ADAMTS19: variants seen among roughly 807,000 people sequenced by gnomAD.
The protein encoded by ADAMTS19 is A disintegrin and metalloproteinase with thrombospondin motifs 19.
Under a neutral mutation model 153.3 loss-of-function variants are expected in ADAMTS19, and 93 were observed. The observed-to-expected ratio is 0.61, with a 90% confidence interval of 0.51 to 0.72. The LOEUF is 0.72. ADAMTS19 is among the 30% of genes least tolerant of loss of function. ADAMTS19 has a pLI of 0.00. For synonymous variants in ADAMTS19, 600 were observed against 556.6 expected (o/e 1.08, Z -1.10); for missense variants, 1,482 against 1,552.1 (o/e 0.95, Z 0.76).
chr5:129,556,054 A>G (rs182706480), intron 7 of ADAMTS19, among the ~76,000 whole-genome samples: 2 of 152,304 alleles, frequency 1.3e-5, no homozygotes, highest in Non-Finnish European at 2.9e-5. Context: ...ATAGTTATTT[A>G]CTAAGCTTAT....
At chr5:129,602,299 C>T (rs1017946129) in intron 8 of ADAMTS19, among the ~76,000 whole-genome samples, 3 of 152,176 alleles carry the variant, frequency 2.0e-5, no homozygotes, top group South Asian at 2.1e-4. Flanking sequence ...CCGTGTTGGT[C>T]GGGCTGGTCG....
At chr5:129,650,264 T>C (rs776123147) in intron 13 of ADAMTS19, among the ~76,000 whole-genome samples, 1 of 152,154 alleles carries the variant, frequency 6.6e-6, no homozygotes, top group Non-Finnish European at 1.5e-5. Flanking sequence ...GATCATCTGA[T>C]TTCATTGGTT....
intron 8 of ADAMTS19, among the ~76,000 whole-genome samples, chr5:129,613,172 C>A (rs1751318557): frequency 6.6e-6 from 1 of 152,122 alleles, no homozygotes; most frequent in South Asian, 2.1e-4. Flanking sequence ...GACCTCAGTG[C>A]TGCACAAGTG....
chr5:129,532,467 T>C (rs951510356), intron 6 of ADAMTS19, among the ~76,000 whole-genome samples: 1 of 152,154 alleles, frequency 6.6e-6, no homozygotes, highest in Non-Finnish European at 1.5e-5. Context: ...ATGGTGAGGA[T>C]ATGGAACACT....
intron 17 of ADAMTS19, among the ~76,000 whole-genome samples, chr5:129,681,078 T>G (rs1487021110): frequency 6.6e-6 from 1 of 152,216 alleles, no homozygotes; most frequent in Non-Finnish European, 1.5e-5. Flanking sequence ...TTATTTAATA[T>G]CTCCACATGA....
intron 2 of ADAMTS19, chr5:129,500,562 G>A (rs1362774358): frequency 2.6e-5 from 4 of 152,004 alleles, no homozygotes; most frequent in African/African-American, 9.7e-5. Flanking sequence ...GGTATCTGTT[G>A]GGATACTTTC....
At chr5:129,712,982 T>A (rs564755992) in intron 21 of ADAMTS19, among the ~76,000 whole-genome samples, 1 of 152,238 alleles carries the variant, frequency 6.6e-6, no homozygotes, top group Non-Finnish European at 1.5e-5. Flanking sequence ...TATTTCCTTC[T>A]TCATAGCTTC....
At chr5:129,734,177 G>A (rs950450670) in intron 21 of ADAMTS19, among the ~76,000 whole-genome samples, 3 of 151,538 alleles carry the variant, frequency 2.0e-5, no homozygotes, top group Non-Finnish European at 4.4e-5. Context: ...AGACATTGAG[G>A]TCTCCAAAAG....
intron 15 of ADAMTS19, among the ~76,000 whole-genome samples, chr5:129,660,974 G>A (rs1176449931): frequency 4.6e-5 from 7 of 151,986 alleles, no homozygotes; most frequent in Admixed American, 1.3e-4. Flanking sequence ...AACAGCCTCC[G>A]CCACACACAC....
At position 129,647,639 on chromosome 5, in the gene ADAMTS19, C is replaced by T. The variant is rs1025659825; in HGVS notation, c.1873-126C>T. On this transcript the variant is annotated intron_variant, in intron 11 of 22. Transcript: ENST00000274487. Reference sequence around the variant, plus strand: ...AAGTGCCAACTTATTTTTGGTCTTTCCTAATTCCCCATGTTTGTGGCTCTA... The same window carrying T: ...AAGTGCCAACTTATTTTTGGTCTTTTCTAATTCCCCATGTTTGTGGCTCTA... 24 of 1,150,886 alleles carry T rather than the reference C, an allele frequency of 2.1e-5. No individual in the cohort carries two copies. In the South Asian group the frequency reaches 3.8e-4, roughly 18 times the overall value. The allele number at this position is 1,150,886 out of a possible 1,614,324, so 71.3% of individuals were successfully genotyped here.
At chr5:129,696,471 T>A (rs1196739283) in intron 19 of ADAMTS19, among the ~76,000 whole-genome samples, 2 of 152,202 alleles carry the variant, frequency 1.3e-5, no homozygotes, top group Non-Finnish European at 2.9e-5. Context: ...GCTTGCTTTC[T>A]GTAGATTCAA....
intron 21 of ADAMTS19, among the ~76,000 whole-genome samples, chr5:129,716,659 A>G (rs1472008164): frequency 1.3e-5 from 2 of 150,598 alleles, no homozygotes; most frequent in African/African-American, 4.9e-5. Context: ...CTTCCTCTAT[A>G]CACAAGTAGG....
intron 2 of ADAMTS19, among the ~76,000 whole-genome samples, chr5:129,504,860 T>TACACACAGACAC (rs1554087655): frequency 2.1e-5 from 2 of 95,754 alleles, no homozygotes; most frequent in African/African-American, 4.5e-5. Context: ...GTATTCTGTC[T>TACACACAGACAC]ACACACACAC....
intron 8 of ADAMTS19, among the ~76,000 whole-genome samples, chr5:129,612,118 C>A (rs1207357107): frequency 4.4e-5 from 5 of 113,492 alleles, no homozygotes; most frequent in Non-Finnish European, 9.0e-5. Context: ...TGCTATCCCT[C>A]CCCCCTACCC....
chr5:129,543,472 C>T (rs888477155), intron 6 of ADAMTS19, among the ~76,000 whole-genome samples: 1 of 152,160 alleles, frequency 6.6e-6, no homozygotes. Context: ...TGGAAATATA[C>T]AGTAATCAGT....
At chr5:129,628,609 T>C (rs901688664) in intron 10 of ADAMTS19, among the ~76,000 whole-genome samples, 2 of 152,052 alleles carry the variant, frequency 1.3e-5, no homozygotes, top group Non-Finnish European at 2.9e-5. Flanking sequence ...GAAGTATAAC[T>C]TAAAAGTATA....
Position 129,735,104 on chromosome 5 carries a change from G to T in ADAMTS19, c.3485G>T (p.Arg1162Ile). 6.3e-7 allele frequency: 1 copy of T among 1,578,356 alleles called. No homozygotes were observed. The highest frequency in any genetic ancestry group is 8.6e-7 in the Non-Finnish European group (1 of 1,165,912). ...AATGTAAATACCATAACATCACCCA[G>T]ACTGGGTAAGCAGACAAAAAAAAAA... The part of the protein sequence containing the change: ...KINVNTITSP[R>I]LAALTFKCLG... The change falls in exon 22 of 23, where the codon AGA (arginine) becomes ATA (isoleucine). Residue 1162 changes from arginine to isoleucine, a missense_variant. Arg to Ile is a moderately conservative substitution (Grantham distance 97). Around this residue, in one of 2 missense-constraint regions of ADAMTS19, gnomAD observed 616 missense variants for 724.4 expected, o/e 0.85. Coordinates refer to ENST00000274487, the MANE Select transcript of ADAMTS19 (RefSeq NM_133638.6).
intron 21 of ADAMTS19, among the ~76,000 whole-genome samples, chr5:129,718,571 T>C (rs1435621149): frequency 3.3e-5 from 5 of 152,134 alleles, no homozygotes; most frequent in South Asian, 2.1e-4. Context: ...CTCACTTTAT[T>C]AAAAAGTTGA....
intron 21 of ADAMTS19, among the ~76,000 whole-genome samples, chr5:129,715,054 G>A (rs1275902729): frequency 6.6e-6 from 1 of 152,148 alleles, no homozygotes; most frequent in Non-Finnish European, 1.5e-5. Context: ...ATGCAGGAGA[G>A]TTATGTAGTG....
Sources: allele counts gnomAD v4.1 joint callset (sites outside exome capture counted in the v4.1 genomes callset), GRCh38; gene constraint gnomAD v4.1.1; regional missense constraint gnomAD v4.1.1; transcripts MANE v1.5; gene names NCBI Gene and HGNC (gene_info 2026-07-23, HGNC 2026-07-21).